Variants in CCDC73 observed in about 807,000 individuals in gnomAD.
The protein encoded by CCDC73 is coiled-coil domain-containing protein 73.
Under a neutral mutation model 116.5 loss-of-function variants are expected in CCDC73, and 95 were observed. The observed-to-expected ratio is 0.82, with a 90% confidence interval of 0.69 to 0.97. The LOEUF is 0.97. Among genes scored for constraint, CCDC73 ranks in the 50% least tolerant of loss-of-function variants. CCDC73 has a pLI of 0.00. For missense variants in CCDC73, 1,066 were observed against 1,206.8 expected, an observed-to-expected ratio of 0.88 and a Z score of 1.73; for synonymous variants, 398 against 401.3, an observed-to-expected ratio of 0.99 and a Z score of 0.10.
At position 32,642,046 on chromosome 11, in the gene CCDC73, C is replaced by T; in HGVS notation, c.976G>A (p.Val326Ile). The change falls in exon 13 of 18, where the codon GTA becomes ATA. Residue 326 changes from valine (V) to isoleucine (I), a missense_variant. By Grantham distance (29) the Val-to-Ile change is conservative. Coordinates refer to ENST00000335185, the MANE Select transcript of CCDC73 (RefSeq NM_001008391.4). ...AGAAACTTTTCTTCATTTTCTTTTA[C>T]CTTCTCCCTTTGCAGCTCATTATCT... ...ERDNELQREK[V>I]KENEEKFLNL... 1.3e-6 allele frequency: 2 copies of T among 1,569,976 alleles called. No individual in the cohort carries two copies. The highest frequency in any genetic ancestry group is 8.6e-7 in the Non-Finnish European group (1 of 1,157,058).
At chr11:32,659,410 A>C (rs1047663844) in intron 9 of CCDC73, among the ~76,000 whole-genome samples, 2 of 152,194 alleles carry the variant, frequency 1.3e-5, no homozygotes, top group Non-Finnish European at 2.9e-5. Context: ...ATGGCTGACT[A>C]AAGTCTGAGC....
chr11:32,629,702 A>G (rs1029102915), intron 14 of CCDC73, among the ~76,000 whole-genome samples: 4 of 151,406 alleles, frequency 2.6e-5, no homozygotes, highest in African/African-American at 9.7e-5. Flanking sequence ...GCCGATATAA[A>G]GACACTTATA....
Position 32,678,538 on chromosome 11 carries a change from T to C in CCDC73, c.430-2517A>G, listed in dbSNP as rs147176736. 7.1e-3 allele frequency among the ~76,000 whole-genome samples: 1,081 copies of C among 152,292 alleles called. 12 individuals carry two copies. The highest frequency in any genetic ancestry group is 0.024 in the African/African-American group (1,011 of 41,562). The stretch of plus-strand genomic sequence containing the variant: ...CAATAAAATGATTGTTATTATTCCT[T>C]AACTGGTAGTTTTAATTAACTTTTA... On this transcript the variant is annotated intron_variant, in intron 7 of 17. Transcript: ENST00000335185.
intron 7 of CCDC73, chr11:32,680,921 T>C (rs1856137679): frequency 6.6e-6 from 1 of 152,038 alleles, no homozygotes; most frequent in Admixed American, 6.5e-5. Flanking sequence ...ACCTTTTCAG[T>C]TGCAAATATG....
At chr11:32,608,715 G>T (rs192597687) in intron 17 of CCDC73, among the ~76,000 whole-genome samples, 1 of 152,296 alleles carries the variant, frequency 6.6e-6, no homozygotes. Flanking sequence ...CCTAGCAGAG[G>T]TTCTCCATGA....
chr11:32,669,423 G>C (rs1045549000), intron 9 of CCDC73, among the ~76,000 whole-genome samples: 1 of 152,056 alleles, frequency 6.6e-6, no homozygotes, highest in East Asian at 1.9e-4. Flanking sequence ...CATAGAAAAT[G>C]GGGTACCCAT....
intron 13 of CCDC73, among the ~76,000 whole-genome samples, chr11:32,638,653 A>G (rs1855703246): frequency 6.6e-6 from 1 of 151,752 alleles, no homozygotes; most frequent in Admixed American, 6.6e-5. Flanking sequence ...TAATTTTTGT[A>G]TTGTTAGTAG....
chr11:32,637,661 C>T (rs908926831), intron 13 of CCDC73, among the ~76,000 whole-genome samples: 7 of 151,810 alleles, frequency 4.6e-5, no homozygotes, highest in East Asian at 1.9e-4. Flanking sequence ...CACACACACA[C>T]ACCCCACTCA....
intron 17 of CCDC73, chr11:32,605,722 AG>A (rs1855341177): frequency 6.6e-6 from 1 of 152,238 alleles, no homozygotes; most frequent in Non-Finnish European, 1.5e-5. Context: ...GATACAGTGT[AG>A]ATTAGCTAAT....
chr11:32,761,764 TAC>T (rs368937224), intron 1 of CCDC73, among the ~76,000 whole-genome samples: 4 of 151,874 alleles, frequency 2.6e-5, no homozygotes, highest in Non-Finnish European at 5.9e-5. Context: ...GACACAGACC[TAC>T]ACACACACAC....
rs1175173969 is a variant in CCDC73 at position 32,613,905 on chromosome 11, C to G, written c.2413G>C (p.Glu805Gln). The G allele has an allele frequency of 5.6e-6, 9 of 1,612,532 alleles. No individual in the cohort carries two copies. In the Admixed American group the frequency reaches 6.7e-5, roughly 12 times the overall value. Residue 805 changes from glutamate to glutamine, a missense_variant, in exon 16 of 18, where the codon GAG (glutamate) becomes CAG (glutamine). Coordinates refer to ENST00000335185, the MANE Select transcript of CCDC73 (RefSeq NM_001008391.4). The stretch of plus-strand genomic sequence containing the variant: ...ATCTGATTCTTTTTATTGGAAAACT[C>G]TGTTTCTGTGCAAGTTTTCATGTGA... ...AVHMKTCTETEFSNKKNQIDE... is the reference protein window; with the variant it reads ...AVHMKTCTETQFSNKKNQIDE...
Position 32,632,791 on chromosome 11 carries a change from C to T in CCDC73, c.1185+2905G>A, listed in dbSNP as rs1057328694. Among the ~76,000 whole-genome samples, 3 of 150,888 alleles carry T rather than the reference C, an allele frequency of 2.0e-5. 1 individual carries two copies. Among genetic ancestry groups the T allele is most frequent in the South Asian group, 4.2e-4 (2 of 4,782 alleles). On this transcript the variant is annotated intron_variant, in intron 14 of 17. Transcript: ENST00000335185. Reference sequence around the variant, plus strand: ...AATATATATATATAGTTTTTTTAACCGAATGAAAATGAAAAAACTACATAT... The same window carrying T: ...AATATATATATATAGTTTTTTTAACTGAATGAAAATGAAAAAACTACATAT...
At position 32,741,615 on chromosome 11, in the gene CCDC73, C is replaced by CT. The variant is rs201286633; in HGVS notation, c.135+18493dup. 7.2e-3 allele frequency among the ~76,000 whole-genome samples: 1,079 copies of CT among 149,200 alleles called. 17 individuals are homozygous for CT. Among genetic ancestry groups the CT allele is most frequent in the African/African-American group, 0.025 (1,033 of 40,668 alleles). ...TCTTGTAGGTAACAGATTGTTGAGT[C>CT]TTTTTTTTTAATCTATTCAGCCACG... On this transcript the variant is annotated intron_variant, in intron 2 of 17. Transcript: ENST00000335185.
intron 2 of CCDC73, among the ~76,000 whole-genome samples, chr11:32,745,586 G>A (rs1850228744): frequency 6.6e-6 from 1 of 152,094 alleles, no homozygotes. Context: ...GGGTGCTCCT[G>A]TATTGGGTGC....
the CCDC73 span, among the ~76,000 whole-genome samples, chr11:32,801,877 G>A: frequency 6.6e-6 from 1 of 152,304 alleles, no homozygotes; most frequent in Non-Finnish European, 1.5e-5. Context: ...ATTTGGAAGT[G>A]AATAGCATAA....
At chr11:32,622,487 C>CA (rs1287354353) in intron 14 of CCDC73, among the ~76,000 whole-genome samples, 1 of 151,808 alleles carries the variant, frequency 6.6e-6, no homozygotes, top group African/African-American at 2.4e-5. Context: ...GGAAGGGGAA[C>CA]AACACACACT....
intron 3 of CCDC73, among the ~76,000 whole-genome samples, chr11:32,703,971 A>G (rs1849833947): frequency 1.3e-5 from 2 of 152,218 alleles, no homozygotes; most frequent in African/African-American, 4.8e-5. Context: ...AGCAATTTTA[A>G]AAGTTTATCT....
At chr11:32,789,958 A>T (rs1850661245) in intron 1 of CCDC73, among the ~76,000 whole-genome samples, 1 of 152,212 alleles carries the variant, frequency 6.6e-6, no homozygotes, top group Non-Finnish European at 1.5e-5. Flanking sequence ...TTAAAATCTT[A>T]AAAGACAAGA....
At chr11:32,741,823 C>G (rs920543061) in intron 2 of CCDC73, among the ~76,000 whole-genome samples, 1 of 151,936 alleles carries the variant, frequency 6.6e-6, no homozygotes, top group Admixed American at 6.6e-5. Context: ...ACCCACCCCC[C>G]ACAGGCCCCT....
Sources: allele counts gnomAD v4.1 joint callset (sites outside exome capture counted in the v4.1 genomes callset), GRCh38; gene constraint gnomAD v4.1.1; transcripts MANE v1.5; gene names NCBI Gene and HGNC (gene_info 2026-07-23, HGNC 2026-07-21).